LAMA3: variants seen among roughly 807,000 people sequenced by gnomAD.
LAMA3 encodes the protein laminin subunit alpha 3, also known as laminin subunit alpha-3.
Under a neutral mutation model 402.0 loss-of-function variants are expected in LAMA3, and 281 were observed. The ratio of observed to expected loss-of-function variants is 0.70; its 90% CI spans 0.63 to 0.77. LAMA3 has a LOEUF of 0.77. LAMA3 is among the 30% of genes least tolerant of loss of function. LAMA3 has a pLI of 0.00. For missense variants in LAMA3, 3,840 were observed against 4,215.5 expected (o/e 0.91, Z 2.47); for synonymous variants, 1,431 against 1,558.4 (o/e 0.92, Z 1.93).
At chr18:23,908,533 CAAAAAAAAA>C (rs111961159) in intron 54 of LAMA3, among the ~76,000 whole-genome samples, 3 of 57,044 alleles carry the variant, frequency 5.3e-5, no homozygotes, top group African/African-American at 1.1e-4. Flanking sequence ...CCATCTCAAA[CAAAAAAAAA>C]AAAAAAAAAA....
chr18:23,852,317 G>T lies in LAMA3; in HGVS notation c.4136+4649G>T, dbSNP rs572537169. 3.9e-5 allele frequency among the ~76,000 whole-genome samples: 6 copies of T among 152,306 alleles called. No homozygotes were observed. The South Asian group carries it at 1.2e-3, about 32-fold the overall frequency. On this transcript the variant is annotated intron_variant, in intron 32 of 74. Coordinates refer to ENST00000313654, the MANE Select transcript of LAMA3 (RefSeq NM_198129.4). ...CACAAATACATGGTACTATTAGTCT[G>T]TGAACTTGAGACAATGTTGATAAAT...
At chr18:23,758,319 C>T in intron 6 of LAMA3, 77 bp from the exon 7 acceptor site, 1 of 998,822 alleles carries the variant, frequency 1.0e-6, no homozygotes, top group South Asian at 1.4e-5. Context: ...ACTCGTGTGT[C>T]AGGTTCGCAC....
intron 12 of LAMA3, among the ~76,000 whole-genome samples, chr18:23,800,415 A>G (rs1056714726): frequency 6.6e-6 from 1 of 152,206 alleles, no homozygotes; most frequent in African/African-American, 2.4e-5. Context: ...TAGTTGACAC[A>G]TAATAATTGT....
intron 2 of LAMA3, among the ~76,000 whole-genome samples, chr18:23,722,922 T>A (rs1321476872): frequency 2.0e-5 from 3 of 152,202 alleles, no homozygotes; most frequent in Non-Finnish European, 4.4e-5. Context: ...CAGAGGGATC[T>A]TTCTCATCAT....
At chr18:23,858,109 T>TA in intron 33 of LAMA3, 121 bp downstream of exon 33, 2 of 1,163,368 alleles carry the variant, frequency 1.7e-6, no homozygotes, top group East Asian at 4.9e-5. Context: ...GTTGATAGTG[T>TA]ATGTAGCATT....
rs1051140281 is a variant in LAMA3, at chr18:23,839,814, C to G, written c.3221C>G (p.Thr1074Ser). The part of the protein sequence containing the change: ...SATCVSLAHE[T>S]PPTALILDVL... ...ACCTGTGTCTCCTTGGCCCATGAAA[C>G]TCCTCCAACAGCATTAATTTTGGAT... The change falls in exon 27 of 75, where the codon ACT becomes AGT. Residue 1074 changes from threonine to serine, a missense_variant. By Grantham distance (58) the Thr-to-Ser change is moderately conservative. Around this residue, in one of 3 missense-constraint regions of LAMA3, gnomAD observed 2,109 missense variants for 2,376.0 expected, o/e 0.89. Coordinates refer to ENST00000313654, the MANE Select transcript of LAMA3 (RefSeq NM_198129.4). This position sits in a 1 kb window ranked among gnomAD's most constrained non-coding sequence, Gnocchi z 4.5. The G allele has an allele frequency of 6.2e-7, 1 of 1,614,028 alleles. No homozygotes were observed. The highest frequency in any genetic ancestry group is 8.5e-7 in the Non-Finnish European group (1 of 1,179,990).
chr18:23,932,447 C>T, intron 66 of LAMA3, 156 bp downstream of exon 66: 1 of 801,646 alleles, frequency 1.2e-6, no homozygotes, highest in Non-Finnish European at 2.0e-6. Context: ...GCAAGATACA[C>T]CCATTAAAAA....
Position 23,953,073 on chromosome 18 carries a change from A to G in LAMA3, c.9820A>G (p.Ser3274Gly), listed in dbSNP as rs2082975785. 1.2e-6 allele frequency: 2 copies of G among 1,614,014 alleles called. No individual in the cohort carries two copies. The highest frequency in any genetic ancestry group is 1.3e-5 in the African/African-American group (1 of 74,936). Residue 3274 changes from serine (S) to glycine (G), a missense_variant, in exon 74 of 75, where the codon AGC becomes GGC. Coordinates refer to ENST00000313654, the MANE Select transcript of LAMA3 (RefSeq NM_198129.4). ...TGGACAGATCCCCTTCCCACCTGCC[A>G]GCACTCAAGAGCCACTACACCTTGG... ...TAGQIPFPPA[S>G]TQEPLHLGGA...
chr18:23,846,373 TGTGA>T lies in LAMA3; in HGVS notation c.3800_3803del (p.Glu1267AlafsTer55), dbSNP rs780552014. On this transcript the variant is annotated frameshift_variant, in exon 31 of 75. Coordinates refer to ENST00000313654, the MANE Select transcript of LAMA3 (RefSeq NM_198129.4). LOFTEE classifies it high-confidence loss of function. ...CTTTTACCACAAGGGCGCCCTGCCT[TGTGA>T]GTGCCACCCCACTGGGGCCACCGGC... The T allele has an allele frequency of 1.2e-6, 2 of 1,614,102 alleles. No homozygotes were observed. Among genetic ancestry groups the T allele is most frequent in the African/African-American group, 2.7e-5 (2 of 74,954 alleles).
In LAMA3 at chr18:23,901,043, A is replaced by G. The variant is rs189127685; in HGVS notation, c.6005-84A>G. The G allele has an allele frequency of 5.7e-3, 7,009 of 1,236,582 alleles. 23 individuals carry two copies. Among genetic ancestry groups the G allele is most frequent in the Non-Finnish European group, 7.2e-3 (6,112 of 849,970 alleles). The allele number at this position is 1,236,582 out of a possible 1,614,324, so 76.6% of individuals were successfully genotyped here. ...AAGGAAAACCATGAAATGAGTAGAA[A>G]CTCGATTCTCCCTTTGTAGTTTTTA... On this transcript the variant is annotated intron_variant, in intron 47 of 74. Transcript: ENST00000313654.
chr18:23,914,903 T>C (rs1156630737), intron 58 of LAMA3, 43 bp downstream of exon 58: 24 of 1,491,156 alleles, frequency 1.6e-5, no homozygotes, highest in Non-Finnish European at 2.1e-5. Context: ...ATTAAAATTT[T>C]AATTTGGTAT....
At chr18:23,934,355 A>G (rs1599137209) in intron 67 of LAMA3, among the ~76,000 whole-genome samples, 1 of 152,184 alleles carries the variant, frequency 6.6e-6, no homozygotes, top group Middle Eastern at 3.4e-3. Context: ...CAGACTAGAA[A>G]CACCTGGGGA....
intron 3 of LAMA3, among the ~76,000 whole-genome samples, 173 bp downstream of exon 3, chr18:23,748,233 A>T (rs1340048844): frequency 2.6e-5 from 4 of 152,184 alleles, no homozygotes; most frequent in Non-Finnish European, 4.4e-5. Context: ...GTTTGAGACC[A>T]GCCTGGCCAA....
intron 38 of LAMA3, among the ~76,000 whole-genome samples, chr18:23,875,017 C>A (rs995028915): frequency 3.9e-5 from 6 of 152,172 alleles, no homozygotes; most frequent in Admixed American, 6.5e-5. Flanking sequence ...GCATGTGCCA[C>A]CATGCCCGGC....
At chr18:23,748,739 G>C (rs1270279338) in intron 3 of LAMA3, among the ~76,000 whole-genome samples, 1 of 110,508 alleles carries the variant, frequency 9.0e-6, no homozygotes, top group African/African-American at 2.7e-5. Context: ...AGGTTGCAAT[G>C]AGCCAAGACT....
At chr18:23,772,489 G>A (rs957151670) in intron 8 of LAMA3, among the ~76,000 whole-genome samples, 1 of 152,182 alleles carries the variant, frequency 6.6e-6, no homozygotes, top group African/African-American at 2.4e-5. Flanking sequence ...ATGGGAAGGT[G>A]GGCCACAGCT....
rs115759048 is a variant in LAMA3 at position 23,692,590 on chromosome 18, A to G, written c.294+2613A>G. Among the ~76,000 whole-genome samples the G allele has an allele frequency of 5.2e-3, 788 of 152,298 alleles. 8 individuals are homozygous for G. The highest frequency in any genetic ancestry group is 0.018 in the African/African-American group (756 of 41,562). On this transcript the variant is annotated intron_variant, in intron 1 of 74. Transcript: ENST00000313654. ...GCCGGCCCGTTTTGATGTTTTAAAC[A>G]ATAGATTCAAGACTCACTGCAAATC...
intron 66 of LAMA3, among the ~76,000 whole-genome samples, chr18:23,932,973 T>C (rs2082209687): frequency 6.6e-6 from 1 of 152,142 alleles, no homozygotes; most frequent in African/African-American, 2.4e-5. Context: ...AACATCTAAT[T>C]CAGGGATTGG....
At position 23,826,720 on chromosome 18, in the gene LAMA3, C is replaced by A; in HGVS notation, c.2590C>A (p.Pro864Thr). 6.4e-7 allele frequency: 1 copy of A among 1,560,924 alleles called. No homozygotes were observed. Among genetic ancestry groups the A allele is most frequent in the East Asian group, 2.3e-5 (1 of 42,678 alleles). The change falls in exon 22 of 75, where the codon CCC (proline) becomes ACC (threonine). Residue 864 changes from proline to threonine, a missense_variant. Coordinates refer to ENST00000313654, the MANE Select transcript of LAMA3 (RefSeq NM_198129.4). ...TTTCTAGGATTACCTGGTGCTGCTC[C>A]CCAGGGACTACTATGAAGCCTCTGT... ...GVLLDYLVLLPRDYYEASVLQ... is the reference protein window; with the variant it reads ...GVLLDYLVLLTRDYYEASVLQ...
Sources: gnomAD v4.1 joint callset for allele counts (sites outside exome capture counted in the v4.1 genomes callset) on GRCh38, gnomAD v4.1.1 for gene constraint, gnomAD v4.1.1 regional missense constraint, Gnocchi (gnomAD v3.1) non-coding constraint, MANE v1.5 for transcripts, NCBI Gene and HGNC (gene_info 2026-07-23, HGNC 2026-07-21) for gene names.